The following PTPRD variants were observed in gnomAD, a reference collection of about 807,000 sequenced individuals.
PTPRD encodes protein tyrosine phosphatase receptor type D.
In PTPRD, 34 loss-of-function variants were observed where a neutral mutation model predicts 214.5. The ratio of observed to expected loss-of-function variants is 0.16; its 90% CI spans 0.12 to 0.21. The LOEUF is 0.21. Among genes scored for constraint, PTPRD ranks in the 10% least tolerant of loss-of-function variants. The pLI is 1.00. For synonymous variants in PTPRD, 1,128 were observed against 845.7 expected (o/e 1.33, Z -5.79); for missense variants, 2,545 against 2,398.7 (o/e 1.06, Z -1.27).
At chr9:8,912,544 G>A (rs1276393654) in intron 11 of PTPRD, among the ~76,000 whole-genome samples, 1 of 152,046 alleles carries the variant, frequency 6.6e-6, no homozygotes, top group African/African-American at 2.4e-5. Context: ...TTGGGGTGGT[G>A]GGAATGCTAC....
chr9:8,967,305 T>A (rs897061975), intron 11 of PTPRD, among the ~76,000 whole-genome samples: 1 of 151,840 alleles, frequency 6.6e-6, no homozygotes, highest in African/African-American at 2.4e-5. Context: ...TGATTGGATA[T>A]GAAATGAAAA....
chr9:9,016,412 T>C (rs1028939428), intron 11 of PTPRD, among the ~76,000 whole-genome samples: 40 of 152,150 alleles, frequency 2.6e-4, no homozygotes, highest in African/African-American at 9.7e-4. Flanking sequence ...ACTAACCCTT[T>C]ATGAGAATCA....
chr9:9,885,630 T>C (rs1275224512), intron 5 of PTPRD, among the ~76,000 whole-genome samples: 2 of 151,972 alleles, frequency 1.3e-5, no homozygotes, highest in Non-Finnish European at 2.9e-5. Context: ...AGGGTAGTTT[T>C]AGAGAATGAA....
chr9:9,651,383 C>G (rs1186722007), intron 7 of PTPRD, among the ~76,000 whole-genome samples: 2 of 152,102 alleles, frequency 1.3e-5, no homozygotes, highest in Non-Finnish European at 2.9e-5. Flanking sequence ...TCCTGAACCT[C>G]TTCCTCCTCC....
chr9:8,324,407 A>G lies in PTPRD; in HGVS notation c.5535-4441T>C, dbSNP rs928294978. ...AGAATGATGGTTTCCAGCTTCATCC[A>G]TGTCCCTGCAAAGGACATGAACTCA... On this transcript the variant is annotated intron_variant, in intron 44 of 45. Coordinates refer to ENST00000381196, the MANE Select transcript of PTPRD (RefSeq NM_002839.4). Among the ~76,000 whole-genome samples, 4 of 152,250 alleles carry G rather than the reference A, an allele frequency of 2.6e-5. 1 individual carries two copies. In the South Asian group the frequency reaches 8.3e-4, roughly 32 times the overall value.
chr9:10,524,758 G>A (rs1590063078), intron 2 of PTPRD, among the ~76,000 whole-genome samples: 2 of 151,928 alleles, frequency 1.3e-5, no homozygotes, highest in East Asian at 1.9e-4. Context: ...TCGAGTTCAT[G>A]GACAACTACT....
chr9:9,382,241 C>A (rs986796577), intron 9 of PTPRD, among the ~76,000 whole-genome samples: 20 of 152,054 alleles, frequency 1.3e-4, no homozygotes, highest in Admixed American at 5.9e-4. Context: ...TATATTACAA[C>A]TTTGCTAAAT....
intron 5 of PTPRD, among the ~76,000 whole-genome samples, chr9:9,777,408 A>G (rs189024002): frequency 6.6e-6 from 1 of 152,228 alleles, no homozygotes; most frequent in East Asian, 1.9e-4. Flanking sequence ...TAAATATATA[A>G]TTCCAGCTAG....
At chr9:10,127,563 CA>C (rs1259898259) in intron 3 of PTPRD, among the ~76,000 whole-genome samples, 3 of 152,042 alleles carry the variant, frequency 2.0e-5, no homozygotes, top group African/African-American at 7.2e-5. Flanking sequence ...AAGTAGGACA[CA>C]ACTTGGAATG....
intron 12 of PTPRD, among the ~76,000 whole-genome samples, chr9:8,695,252 C>T (rs1040287774): frequency 6.6e-6 from 1 of 152,108 alleles, no homozygotes; most frequent in South Asian, 2.1e-4. Flanking sequence ...CTCAAAAACT[C>T]CCCAGTGTAT....
rs531326167 is a variant in PTPRD at position 9,324,646 on chromosome 9, G to A, written c.-203+72803C>T. Among the ~76,000 whole-genome samples the A allele has an allele frequency of 5.3e-5, 8 of 152,266 alleles. No homozygotes were observed. In the South Asian group the frequency reaches 1.7e-3, roughly 32 times the overall value. On this transcript the variant is annotated intron_variant, in intron 9 of 45. Coordinates refer to ENST00000381196, the MANE Select transcript of PTPRD (RefSeq NM_002839.4). ...TTTTCTCCCATTCTGTAGGTTGCCT[G>A]TTCACTCTGATGGTAGTTTCTTTTG...
intron 3 of PTPRD, among the ~76,000 whole-genome samples, chr9:10,113,121 C>G (rs556261824): frequency 6.6e-6 from 1 of 152,086 alleles, no homozygotes; most frequent in East Asian, 1.9e-4. Context: ...TTGTCAGCAG[C>G]GTTTTGAGAG....
intron 9 of PTPRD, among the ~76,000 whole-genome samples, chr9:9,301,281 T>A (rs749651978): frequency 1.3e-5 from 2 of 151,818 alleles, no homozygotes; most frequent in Non-Finnish European, 2.9e-5. Context: ...TCAAAACAGA[T>A]TTCATGCTAT....
chr9:9,789,748 G>C (rs1597881073), intron 5 of PTPRD, among the ~76,000 whole-genome samples: 1 of 127,720 alleles, frequency 7.8e-6, no homozygotes, highest in Non-Finnish European at 1.6e-5. Context: ...AGTGAGCCGA[G>C]ATTGCGCCAC....
At chr9:9,629,238 G>GTGTATATATATA (rs149327972) in intron 7 of PTPRD, among the ~76,000 whole-genome samples, 41 of 140,396 alleles carry the variant, frequency 2.9e-4, no homozygotes, top group Middle Eastern at 3.8e-3. Context: ...GTGTGTGTGT[G>GTGTATATATATA]TATATATATA....
chr9:10,536,463 T>G (rs567964491), intron 2 of PTPRD, among the ~76,000 whole-genome samples: 59 of 152,286 alleles, frequency 3.9e-4, no homozygotes, highest in South Asian at 3.7e-3. Flanking sequence ...ATCCATACAT[T>G]TATTATTTTC....
At chr9:8,358,988 G>A (rs975359536) in intron 39 of PTPRD, among the ~76,000 whole-genome samples, 3 of 149,256 alleles carry the variant, frequency 2.0e-5, no homozygotes, top group Non-Finnish European at 3.0e-5. Flanking sequence ...GGCGCCTGTA[G>A]TCCCAGCTAC....
intron 12 of PTPRD, among the ~76,000 whole-genome samples, chr9:8,672,289 T>C (rs1401234666): frequency 6.6e-6 from 1 of 152,182 alleles, no homozygotes; most frequent in Non-Finnish European, 1.5e-5. Context: ...ATTCAAGTAG[T>C]TTATGCAAAT....
intron 2 of PTPRD, among the ~76,000 whole-genome samples, chr9:10,466,623 CAAAAAAAAAAAAAAA>C (rs66705572): frequency 2.6e-5 from 2 of 76,874 alleles, no homozygotes; most frequent in Non-Finnish European, 4.6e-5. Flanking sequence ...AACTCCAACT[CAAAAAAAAAAAAAAA>C]AAAAAAAAAA....
Sources: allele counts gnomAD v4.1 joint callset (sites outside exome capture counted in the v4.1 genomes callset), GRCh38; gene constraint gnomAD v4.1.1; transcripts MANE v1.5; gene names NCBI Gene and HGNC (gene_info 2026-07-23, HGNC 2026-07-21).